Variants in MDGA1 observed in about 807,000 individuals in gnomAD.
The protein encoded by MDGA1 is MAM domain containing glycosylphosphatidylinositol anchor 1.
Under a neutral mutation model 101.5 loss-of-function variants are expected in MDGA1, and 54 were observed. That is an observed-to-expected ratio of 0.53 (90% CI 0.43 to 0.67). The LOEUF (loss-of-function observed/expected upper bound fraction) is 0.67. Among genes scored for constraint, MDGA1 ranks in the 30% least tolerant of loss-of-function variants. The pLI is 0.00. For synonymous variants in MDGA1, 533 were observed against 558.3 expected (o/e 0.95, Z 0.64); for missense variants, 1,083 against 1,323.8 (o/e 0.82, Z 2.82).
intron 2 of MDGA1, 30 bp downstream of exon 2, chr6:37,663,937 G>C: frequency 6.2e-7 from 1 of 1,612,820 alleles, no homozygotes; most frequent in Non-Finnish European, 8.5e-7. Flanking sequence ...GGGTAGGAGG[G>C]GCCTGAGCAA....
intron 1 of MDGA1, among the ~76,000 whole-genome samples, chr6:37,665,268 G>C (rs6903430): frequency 0.75 from 113,185 of 151,788 alleles, 42,346 homozygotes; most frequent in East Asian, 0.84. Flanking sequence ...CTGCTCACAG[G>C]TGAGACGGGA....
chr6:37,673,757 T>G (rs1761920307), intron 1 of MDGA1, among the ~76,000 whole-genome samples: 1 of 152,002 alleles, frequency 6.6e-6, no homozygotes, highest in Non-Finnish European at 1.5e-5. Flanking sequence ...AGTTCTGTGC[T>G]AGGAAAGCCG....
At position 37,631,195 on chromosome 6, in the gene MDGA1, T is replaced by C. The variant is rs983279654; in HGVS notation, c.*6173A>G. On this transcript the variant is annotated 3_prime_UTR_variant, in exon 17 of 17. Transcript: ENST00000434837. The stretch of plus-strand genomic sequence containing the variant: ...AGCTACCTTGAATCCAAAATGCCCA[T>C]CTGGTTCAGGAAAACCATCCCTGTT... The C allele has an allele frequency of 2.0e-5, 3 of 152,214 alleles. No homozygotes were observed. Among genetic ancestry groups the C allele is most frequent in the Non-Finnish European group, 4.4e-5 (3 of 68,050 alleles). 9.4% of individuals were successfully genotyped at this position (152,214 alleles called of 1,614,324 possible).
At chr6:37,647,955 G>A (rs567650721) in intron 9 of MDGA1, among the ~76,000 whole-genome samples, 18 of 152,304 alleles carry the variant, frequency 1.2e-4, no homozygotes, top group African/African-American at 4.3e-4. Flanking sequence ...GTATGCCACT[G>A]AATGGGGGAC....
Position 37,664,069 on chromosome 6 carries a change from T to A in MDGA1, c.105A>T (p.Ala35=). The change falls in exon 2 of 17, where the codon GCA becomes GCT. Residue 35 remains alanine, a synonymous_variant. Coordinates refer to ENST00000434837, the MANE Select transcript of MDGA1 (RefSeq NM_153487.4). The part of the protein sequence containing the change: ...AQAQIVHAGQ[A]CVVKEDNISE... ...TGATATTGTCCTCTTTCACCACACA[T>A]GCCTGGCCCGCATGCACGATCTGCG... 1 of 1,613,870 alleles carries A rather than the reference T, an allele frequency of 6.2e-7. No homozygotes were observed. The highest frequency in any genetic ancestry group is 8.5e-7 in the Non-Finnish European group (1 of 1,179,852).
intron 12 of MDGA1, 34 bp downstream of exon 12, chr6:37,645,899 G>A (rs867849058): frequency 6.2e-7 from 1 of 1,613,246 alleles, no homozygotes. Flanking sequence ...TCCCTAAAGG[G>A]AAGGGGAAGT....
In MDGA1 at chr6:37,678,627, G is replaced by A. The variant is rs547187852; in HGVS notation, c.68-14521C>T. On this transcript the variant is annotated intron_variant, in intron 1 of 16. Coordinates refer to ENST00000434837, the MANE Select transcript of MDGA1 (RefSeq NM_153487.4). ...TCCAGCCACATTGCCCTCTTTGTCA[G>A]TCTTCAAGCAGGCCTGGCCCCTTCC... Among the ~76,000 whole-genome samples, 32 of 152,106 alleles carry A rather than the reference G, an allele frequency of 2.1e-4. No homozygotes were observed. The South Asian group carries it at 6.4e-3, about 31-fold the overall frequency.
At position 37,652,357 on chromosome 6, in the gene MDGA1, A is replaced by AG; in HGVS notation, c.983-18dup. The AG allele has an allele frequency of 1.3e-6, 2 of 1,576,210 alleles. No homozygotes were observed. Among genetic ancestry groups the AG allele is most frequent in the African/African-American group, 2.7e-5 (2 of 74,336 alleles). On this transcript the variant is annotated splice_polypyrimidine_tract_variant and intron_variant, in intron 6 of 16. Transcript: ENST00000434837. This position sits in a 1 kb window ranked among gnomAD's most constrained non-coding sequence, Gnocchi z 4.3. ...TCTTCATGGCTGTGAGTGGATGGGG[A>AG]GGGAAGGGTAGTTGGGGTTGGCCTG...
rs61151079 is a variant in MDGA1, at chr6:37,632,331, C to CACGAGA, written c.*5036_*5037insTCTCGT. On this transcript the variant is annotated 3_prime_UTR_variant, in exon 17 of 17. Coordinates refer to ENST00000434837, the MANE Select transcript of MDGA1 (RefSeq NM_153487.4). ...TTGGTATTTGCTGAATGAACAAATG[C>CACGAGA]ACACAAGTTCACTGGGAGCAGACCA... The CACGAGA allele has an allele frequency of 6.6e-6, 1 of 152,048 alleles. No homozygotes were observed. The highest frequency in any genetic ancestry group is 1.5e-5 in the Non-Finnish European group (1 of 68,048). 9.4% of individuals were successfully genotyped at this position (152,048 alleles called of 1,614,324 possible).
chr6:37,663,842 C>G, intron 2 of MDGA1, 125 bp downstream of exon 2: 1 of 1,089,344 alleles, frequency 9.2e-7, no homozygotes, highest in Non-Finnish European at 1.3e-6. Flanking sequence ...GCCCCCATCT[C>G]CTGTTCTCTG....
rs571896634 is a variant in MDGA1 at position 37,676,958 on chromosome 6, C to T, written c.68-12852G>A. Among the ~76,000 whole-genome samples, 4 of 151,862 alleles carry T rather than the reference C, an allele frequency of 2.6e-5. No individual in the cohort carries two copies. The East Asian group carries it at 7.7e-4, about 29-fold the overall frequency. On this transcript the variant is annotated intron_variant, in intron 1 of 16. Coordinates refer to ENST00000434837, the MANE Select transcript of MDGA1 (RefSeq NM_153487.4). ...AACCTGCAAGAACTAGTTAGAGGCT[C>T]CACTCCAGCACTTAACTTGCCTAAG...
intron 1 of MDGA1, among the ~76,000 whole-genome samples, chr6:37,673,689 C>T (rs1017170503): frequency 1.3e-5 from 2 of 152,054 alleles, no homozygotes; most frequent in Non-Finnish European, 2.9e-5. Flanking sequence ...CTGTTCACCA[C>T]CAGCCGGGGG....
In MDGA1 at chr6:37,650,413, G is replaced by T; in HGVS notation, c.1313-8C>A. 6.5e-7 allele frequency: 1 copy of T among 1,527,354 alleles called. No homozygotes were observed. The highest frequency in any genetic ancestry group is 1.3e-5 in the South Asian group (1 of 79,194). The allele number at this position is 1,527,354 out of a possible 1,614,324, so 94.6% of individuals were successfully genotyped here. ...CACTGATGGTGGGCGGCACTGTGGG[G>T]GTGATGGTGATCAGCGGAGAGGTAG... On this transcript the variant is annotated splice_polypyrimidine_tract_variant and splice_region_variant and intron_variant, in intron 7 of 16. Coordinates refer to ENST00000434837, the MANE Select transcript of MDGA1 (RefSeq NM_153487.4).
At chr6:37,677,234 T>C (rs1761999564) in intron 1 of MDGA1, among the ~76,000 whole-genome samples, 1 of 152,174 alleles carries the variant, frequency 6.6e-6, no homozygotes, top group African/African-American at 2.4e-5. Flanking sequence ...GTGGCCGGGC[T>C]GTGCACAACA....
At chr6:37,680,167 A>G (rs1762064076) in intron 1 of MDGA1, among the ~76,000 whole-genome samples, 1 of 152,148 alleles carries the variant, frequency 6.6e-6, no homozygotes, top group Non-Finnish European at 1.5e-5. Flanking sequence ...GGGAAGGCAA[A>G]GGTGGGGATG....
At chr6:37,641,498 C>A (rs529281777) in intron 14 of MDGA1, among the ~76,000 whole-genome samples, 1 of 152,156 alleles carries the variant, frequency 6.6e-6, no homozygotes, top group South Asian at 2.1e-4. Context: ...GGGCTGAGCA[C>A]CCCCAGGCTA....
chr6:37,643,710 G>A, intron 14 of MDGA1, 99 bp downstream of exon 14: 1 of 1,518,628 alleles, frequency 6.6e-7, no homozygotes, highest in African/African-American at 1.4e-5. Context: ...TGGGGAAGCT[G>A]AGGCCTCACA....
At chr6:37,660,736 A>G (rs997639285) in intron 2 of MDGA1, among the ~76,000 whole-genome samples, 4 of 152,042 alleles carry the variant, frequency 2.6e-5, no homozygotes, top group African/African-American at 9.7e-5. Flanking sequence ...TCAGTTGTGA[A>G]TTATTCACCT....
rs747462526 is a variant in MDGA1 at position 37,646,185 on chromosome 6, CACT to C, written c.2224+10_2224+12del. The stretch of plus-strand genomic sequence containing the variant: ...ATGGGCCCATCCTTCCTACCGCCAC[CACT>C]GTCACCTACGCTCTGTGTAGTGGAT... On this transcript the variant is annotated intron_variant, in intron 11 of 16. Coordinates refer to ENST00000434837, the MANE Select transcript of MDGA1 (RefSeq NM_153487.4). 7.0e-5 allele frequency: 109 copies of C among 1,567,438 alleles called. No individual in the cohort carries two copies. Among genetic ancestry groups the C allele is most frequent in the Non-Finnish European group, 9.1e-5 (105 of 1,153,072 alleles).
Sources: gnomAD v4.1 joint callset for allele counts (sites outside exome capture counted in the v4.1 genomes callset) on GRCh38, gnomAD v4.1.1 for gene constraint, Gnocchi (gnomAD v3.1) non-coding constraint, MANE v1.5 for transcripts, NCBI Gene and HGNC (gene_info 2026-07-23, HGNC 2026-07-21) for gene names.